SCAPER: variants seen among roughly 807,000 people sequenced by gnomAD.
The protein encoded by SCAPER is S phase cyclin A-associated protein in the endoplasmic reticulum.
Under a neutral mutation model 182.2 loss-of-function variants are expected in SCAPER, and 98 were observed. The observed-to-expected ratio is 0.54, with a 90% CI of 0.46 to 0.64. The LOEUF (loss-of-function observed/expected upper bound fraction) is 0.64, where lower values mean the gene tolerates loss of function less well. Ranked by LOEUF, SCAPER falls within the 30% of genes least tolerant of loss-of-function variation. The pLI, the probability that SCAPER is intolerant of heterozygous loss-of-function variation, is 0.00. For missense variants in SCAPER, 1,432 were observed against 1,690.0 expected, an observed-to-expected ratio of 0.85 and a Z score of 2.68; for synonymous variants, 605 against 564.6, an observed-to-expected ratio of 1.07 and a Z score of -1.01.
chr15:76,811,788 CAAAAAAT>C (rs974750071), intron 5 of SCAPER, among the ~76,000 whole-genome samples: 2 of 141,360 alleles, frequency 1.4e-5, no homozygotes, highest in African/African-American at 2.6e-5. Flanking sequence ...AACTCTGCCT[CAAAAAAT>C]AAAAAATAAA....
intron 22 of SCAPER, among the ~76,000 whole-genome samples, chr15:76,606,892 T>G (rs1241180879): frequency 6.6e-6 from 1 of 152,228 alleles, no homozygotes; most frequent in Non-Finnish European, 1.5e-5. Flanking sequence ...CATCCCTTTA[T>G]TTTGAGCCTA....
rs139802369 is a variant in SCAPER, at chr15:76,834,749, A to C, written c.393+6985T>G. ...CACCAACCCCACAGAAATACAAAAA[A>C]CCCTCAGAGACTATTAGAGACACTT... On this transcript the variant is annotated intron_variant, in intron 5 of 31. Coordinates refer to ENST00000563290, the MANE Select transcript of SCAPER (RefSeq NM_020843.4). 9.0e-3 allele frequency among the ~76,000 whole-genome samples: 1,365 copies of C among 152,216 alleles called. 9 individuals are homozygous for C. Among genetic ancestry groups the C allele is most frequent in the Non-Finnish European group, 0.015 (1,053 of 68,008 alleles).
intron 20 of SCAPER, among the ~76,000 whole-genome samples, chr15:76,671,925 G>C (rs1167901360): frequency 6.6e-6 from 1 of 152,144 alleles, no homozygotes; most frequent in African/African-American, 2.4e-5. Context: ...AGAGTTAACA[G>C]GCTAATTTGA....
At chr15:76,580,748 T>C (rs2048211692) in intron 22 of SCAPER, among the ~76,000 whole-genome samples, 1 of 151,990 alleles carries the variant, frequency 6.6e-6, no homozygotes, top group South Asian at 2.1e-4. Flanking sequence ...AGCTACATCT[T>C]AAAGAACGAG....
At chr15:76,501,713 G>C (rs1316225598) in intron 24 of SCAPER, among the ~76,000 whole-genome samples, 2 of 152,218 alleles carry the variant, frequency 1.3e-5, no homozygotes, top group Non-Finnish European at 2.9e-5. Context: ...AACAGCAAGG[G>C]CTAAGGTGGC....
intron 22 of SCAPER, among the ~76,000 whole-genome samples, chr15:76,604,893 C>T (rs1314189011): frequency 6.6e-6 from 1 of 151,894 alleles, no homozygotes; most frequent in African/African-American, 2.4e-5. Flanking sequence ...TGAGACTTTG[C>T]TGAAGTTGCT....
intron 25 of SCAPER, among the ~76,000 whole-genome samples, chr15:76,456,912 T>A (rs937533169): frequency 2.6e-5 from 4 of 152,244 alleles, no homozygotes; most frequent in Non-Finnish European, 4.4e-5. Context: ...CTACTTCTTA[T>A]GCTTACTATG....
chr15:76,652,773 C>A (rs1311346418), intron 21 of SCAPER, among the ~76,000 whole-genome samples: 1 of 151,828 alleles, frequency 6.6e-6, no homozygotes, highest in Admixed American at 6.6e-5. Context: ...CAACATCATA[C>A]TGAAGGTGCA....
rs1358633738 is a variant in SCAPER, at chr15:76,481,706, C to T, written c.2955-10371G>A. Among the ~76,000 whole-genome samples the T allele has an allele frequency of 2.0e-5, 3 of 152,212 alleles. No individual in the cohort carries two copies. The East Asian group carries it at 5.8e-4, about 29-fold the overall frequency. Reference sequence around the variant, plus strand: ...CCTCTCCTTCCCTGCAAAGTAGCTGCAATTCTGACATTTATAGTCATCACT... The same window carrying T: ...CCTCTCCTTCCCTGCAAAGTAGCTGTAATTCTGACATTTATAGTCATCACT... On this transcript the variant is annotated intron_variant, in intron 24 of 31. Transcript: ENST00000563290.
At chr15:76,500,878 A>T (rs1001440539) in intron 24 of SCAPER, among the ~76,000 whole-genome samples, 2 of 151,880 alleles carry the variant, frequency 1.3e-5, no homozygotes, top group Admixed American at 6.6e-5. Flanking sequence ...TGTCTCTACT[A>T]AAAATACAAA....
chr15:76,832,316 C>T (rs554197919), intron 5 of SCAPER, among the ~76,000 whole-genome samples: 2 of 152,140 alleles, frequency 1.3e-5, no homozygotes, highest in Non-Finnish European at 2.9e-5. Flanking sequence ...GAAAAATTCA[C>T]TACAGGAATT....
At chr15:76,848,248 C>A (rs2070322934) in intron 4 of SCAPER, among the ~76,000 whole-genome samples, 1 of 152,038 alleles carries the variant, frequency 6.6e-6, no homozygotes, top group Non-Finnish European at 1.5e-5. Flanking sequence ...GACCTGCCCA[C>A]CTCAGCCTCC....
chr15:76,647,537 A>G (rs1302205001), intron 21 of SCAPER, among the ~76,000 whole-genome samples: 1 of 152,198 alleles, frequency 6.6e-6, no homozygotes, highest in Non-Finnish European at 1.5e-5. Context: ...ACCAAAACAG[A>G]GCATACATGT....
At chr15:76,379,793 G>C (rs2042821282) in intron 28 of SCAPER, 1 of 151,696 alleles carries the variant, frequency 6.6e-6, no homozygotes, top group African/African-American at 2.4e-5. Flanking sequence ...AGCAGGTCTG[G>C]TGAAGTTCAG....
chr15:76,587,274 G>T (rs921705971), intron 22 of SCAPER, among the ~76,000 whole-genome samples: 2 of 151,756 alleles, frequency 1.3e-5, no homozygotes, highest in African/African-American at 4.8e-5. Context: ...TTTATTTTTT[G>T]GTTTCTATTT....
intron 2 of SCAPER, among the ~76,000 whole-genome samples, chr15:76,866,262 T>C (rs955298841): frequency 6.0e-5 from 9 of 149,692 alleles, no homozygotes; most frequent in South Asian, 4.2e-4. Context: ...TGTGTGTGCG[T>C]GTGTGTGTGT....
At chr15:76,613,944 C>T (rs569062722) in intron 22 of SCAPER, among the ~76,000 whole-genome samples, 15 of 151,852 alleles carry the variant, frequency 9.9e-5, no homozygotes, top group Non-Finnish European at 2.2e-4. Flanking sequence ...TACATGCACA[C>T]ACATATGTTC....
chr15:76,669,786 TC>T (rs2056882310), intron 20 of SCAPER, among the ~76,000 whole-genome samples: 1 of 152,216 alleles, frequency 6.6e-6, no homozygotes, highest in African/African-American at 2.4e-5. Context: ...GCCATGCTGC[TC>T]ATGCAGGCTA....
chr15:76,895,294 A>C (rs1196087150), intron 1 of SCAPER, among the ~76,000 whole-genome samples: 1 of 152,216 alleles, frequency 6.6e-6, no homozygotes, highest in Non-Finnish European at 1.5e-5. Context: ...TGATCATCTC[A>C]ATAAATGCAG....
Sources: allele counts gnomAD v4.1 joint callset (sites outside exome capture counted in the v4.1 genomes callset), GRCh38; gene constraint gnomAD v4.1.1; transcripts MANE v1.5; gene names NCBI Gene and HGNC (gene_info 2026-07-23, HGNC 2026-07-21).